TRIB3: variants seen among roughly 807,000 people sequenced by gnomAD.
The protein encoded by TRIB3 is tribbles homolog 3.
In TRIB3, 20 loss-of-function variants were observed where a neutral mutation model predicts 16.6. That is an observed-to-expected ratio of 1.20 (90% CI 0.85 to 1.75). The LOEUF (loss-of-function observed/expected upper bound fraction) is 1.75. TRIB3 is among the 40% of genes most tolerant of loss of function. TRIB3 has a pLI of 0.00. For missense variants in TRIB3, 484 were observed against 488.9 expected, an observed-to-expected ratio of 0.99 and a Z score of 0.10; for synonymous variants, 208 against 217.0, an observed-to-expected ratio of 0.96 and a Z score of 0.36.
At chr20:388,445 T>G in intron 2 of TRIB3, 144 bp downstream of exon 2, 5 of 1,117,426 alleles carry the variant, frequency 4.5e-6, no homozygotes, top group Non-Finnish European at 6.2e-6. Flanking sequence ...GAGCCCCTGC[T>G]GGACTGATAC....
At chr20:394,116 C>G (rs1159942743) in intron 3 of TRIB3, among the ~76,000 whole-genome samples, 3 of 151,442 alleles carry the variant, frequency 2.0e-5, no homozygotes, top group Non-Finnish European at 4.4e-5. Context: ...CTGCAACCTC[C>G]ACCTCCCGGG....
chr20:385,471 G>A (rs8116096), intron 1 of TRIB3: 12,287 of 148,942 alleles, frequency 0.082, 1,281 homozygotes, highest in African/African-American at 0.24. Flanking sequence ...ATTCTCCACC[G>A]TGTTCTTGGG....
At chr20:393,731 A>C (rs1190762985) in intron 3 of TRIB3, among the ~76,000 whole-genome samples, 2 of 152,216 alleles carry the variant, frequency 1.3e-5, no homozygotes, top group African/African-American at 4.8e-5. Context: ...GGCAAGAACA[A>C]CACAGAATCG....
At chr20:382,099 CTGTGTGTGTGTGTG>C (rs5839857) in intron 1 of TRIB3, among the ~76,000 whole-genome samples, 5 of 142,354 alleles carry the variant, frequency 3.5e-5, no homozygotes, top group East Asian at 2.1e-4. Context: ...GCTGGGAGGG[CTGTGTGTGTGTGTG>C]TGTGTGTGTG....
At chr20:391,944 C>T (rs187500246) in intron 3 of TRIB3, among the ~76,000 whole-genome samples, 95 of 152,088 alleles carry the variant, frequency 6.2e-4, no homozygotes, top group Non-Finnish European at 1.1e-3. Flanking sequence ...ACTGCTTGAA[C>T]CTGGGAGGCG....
intron 1 of TRIB3, among the ~76,000 whole-genome samples, chr20:382,852 T>C (rs1168683518): frequency 6.6e-6 from 1 of 152,174 alleles, no homozygotes; most frequent in Non-Finnish European, 1.5e-5. Context: ...AGTCATGACC[T>C]TTCACTCATG....
chr20:386,687 C>T (rs1444116559), intron 1 of TRIB3, among the ~76,000 whole-genome samples: 3 of 152,162 alleles, frequency 2.0e-5, no homozygotes, highest in Non-Finnish European at 2.9e-5. Flanking sequence ...ATTCTCCTGT[C>T]TCAGCCTCCC....
intron 2 of TRIB3, among the ~76,000 whole-genome samples, chr20:389,542 G>A (rs1415237725): frequency 6.6e-6 from 1 of 152,124 alleles, no homozygotes; most frequent in Non-Finnish European, 1.5e-5. Context: ...TCCAGACAGG[G>A]TCCAGCCCCT....
intron 2 of TRIB3, among the ~76,000 whole-genome samples, chr20:390,818 A>T (rs1352293031): frequency 6.6e-6 from 1 of 152,098 alleles, no homozygotes; most frequent in Non-Finnish European, 1.5e-5. Flanking sequence ...CTTAGCCAAC[A>T]TGATGAAACC....
At chr20:382,537 C>G in intron 1 of TRIB3, 1 of 1,535,624 alleles carries the variant, frequency 6.5e-7, no homozygotes, top group Admixed American at 2.0e-5. Context: ...CTTTCTAAGA[C>G]TCCCAAGGAT....
intron 3 of TRIB3, among the ~76,000 whole-genome samples, chr20:395,631 C>T: frequency 6.6e-6 from 1 of 152,136 alleles, no homozygotes. Context: ...GGTCACAGCA[C>T]TGGCTCTGAG....
chr20:394,164 G>A (rs1475140528), intron 3 of TRIB3, among the ~76,000 whole-genome samples: 4 of 151,804 alleles, frequency 2.6e-5, no homozygotes, highest in African/African-American at 9.7e-5. Flanking sequence ...TTGAGCAGCT[G>A]GGATTACAGG....
intron 1 of TRIB3, among the ~76,000 whole-genome samples, chr20:381,936 C>A (rs558415423): frequency 1.3e-5 from 2 of 152,208 alleles, no homozygotes; most frequent in Non-Finnish European, 2.9e-5. Context: ...GCCTCACCCC[C>A]CTCCTGTCCC....
At chr20:388,353 A>G in intron 2 of TRIB3, 52 bp downstream of exon 2, 1 of 1,540,370 alleles carries the variant, frequency 6.5e-7, no homozygotes, top group Non-Finnish European at 8.7e-7. Flanking sequence ...CCTGGGAAGG[A>G]GGCCTCCAAA....
At chr20:389,609 G>A (rs73565387) in intron 2 of TRIB3, among the ~76,000 whole-genome samples, 2,533 of 152,224 alleles carry the variant, frequency 0.017, 69 homozygotes, top group African/African-American at 0.058. Context: ...GTGCCCTAAG[G>A]AGCCCAGAAC....
At position 388,196 on chromosome 20, in the gene TRIB3, G is replaced by A. The variant is rs2014875197; in HGVS notation, c.186G>A (p.Val62=). The change falls in exon 2 of 4, where the codon GTG becomes GTA. Residue 62 remains valine, a synonymous_variant. Coordinates refer to ENST00000217233, the MANE Select transcript of TRIB3 (RefSeq NM_021158.5). ...CTGCTCCAGATCGTGCAACTGCTGT[G>A]GCCACTGCCTCCCGTCTTGGGCCCT... The part of the protein sequence containing the change: ...PPTAPDRATA[V]ATASRLGPYV... 2 of 1,613,902 alleles carry A rather than the reference G, an allele frequency of 1.2e-6. No individual in the cohort carries two copies. Among genetic ancestry groups the A allele is most frequent in the African/African-American group, 1.3e-5 (1 of 74,946 alleles).
In TRIB3 at chr20:388,128, C is replaced by T. The variant is rs149937687; in HGVS notation, c.118C>T (p.Gln40Ter). Residue 40 changes from glutamine to a stop codon, truncating the protein, a stop_gained, in exon 2 of 4, where the codon CAG (glutamine) becomes TAG (stop). Coordinates refer to ENST00000217233, the MANE Select transcript of TRIB3 (RefSeq NM_021158.5). LOFTEE classifies it high-confidence loss of function. ...PVQKRARSGP[Q>*]PRLPPCLLPL... is the part of the protein sequence containing the mutation. ...CCAGAAACGAGCTCGAAGTGGGCCCCAGCCCAGACTGCCCCCCTGCCTGTT... is the reference window on the plus strand; with the variant it reads ...CCAGAAACGAGCTCGAAGTGGGCCCTAGCCCAGACTGCCCCCCTGCCTGTT... 1.2e-6 allele frequency: 2 copies of T among 1,613,986 alleles called. No homozygotes were observed.
rs1009299670 is a variant in TRIB3 at position 396,201 on chromosome 20, G to A, written c.588G>A (p.Lys196=). 2 of 1,606,066 alleles carry A rather than the reference G, an allele frequency of 1.2e-6. No homozygotes were observed. The highest frequency in any genetic ancestry group is 2.7e-5 in the African/African-American group (2 of 74,792). The change falls in exon 4 of 4, where the codon AAG becomes AAA. Residue 196 remains lysine, a synonymous_variant. Transcript: ENST00000217233. ...TCTGTTTCTCCCCATGTCCCAGGAAGAAGCTGGTGCTGGAGAACCTGGAGG... is the reference window on the plus strand; with the variant it reads ...TCTGTTTCTCCCCATGTCCCAGGAAAAAGCTGGTGCTGGAGAACCTGGAGG... ...CRFVFADRER[K]KLVLENLEDS...
chr20:385,813 A>T (rs2014788588), intron 1 of TRIB3: 1 of 151,396 alleles, frequency 6.6e-6, no homozygotes, highest in South Asian at 2.1e-4. Context: ...CTGGGTTCCT[A>T]GAGGCCCATG....
Sources: allele counts gnomAD v4.1 joint callset (sites outside exome capture counted in the v4.1 genomes callset), GRCh38; gene constraint gnomAD v4.1.1; transcripts MANE v1.5; gene names NCBI Gene and HGNC (gene_info 2026-07-23, HGNC 2026-07-21).